The following MDGA2 variants were observed in gnomAD, a reference collection of about 807,000 sequenced individuals.
The protein encoded by MDGA2 is MAM domain-containing glycosylphosphatidylinositol anchor protein 2.
MDGA2 carries 40 observed loss-of-function variants against 117.8 expected under a neutral mutation model. The observed-to-expected ratio is 0.34, with a 90% CI of 0.26 to 0.44. The LOEUF is 0.44. Ranked by LOEUF, MDGA2 falls within the 20% of genes least tolerant of loss-of-function variation. The pLI is 1.00. For missense variants in MDGA2, 1,123 were observed against 1,250.6 expected, an observed-to-expected ratio of 0.90 and a Z score of 1.54; for synonymous variants, 452 against 439.0, an observed-to-expected ratio of 1.03 and a Z score of -0.37.
intron 7 of MDGA2, among the ~76,000 whole-genome samples, chr14:47,041,166 G>A (rs1889052305): frequency 6.6e-6 from 1 of 152,048 alleles, no homozygotes. Flanking sequence ...ATCTTGAGAT[G>A]TGTGGGTGTG....
intron 1 of MDGA2, among the ~76,000 whole-genome samples, chr14:47,341,639 A>G (rs1890625627): frequency 6.6e-6 from 1 of 152,228 alleles, no homozygotes; most frequent in East Asian, 1.9e-4. Flanking sequence ...AAATTTAAAA[A>G]TGATCTCTGT....
At chr14:47,506,963 G>T (rs546174396) in intron 1 of MDGA2, among the ~76,000 whole-genome samples, 1 of 150,928 alleles carries the variant, frequency 6.6e-6, no homozygotes, top group Non-Finnish European at 1.5e-5. Context: ...TCACTAGGAG[G>T]TAGTGGAAGA....
chr14:47,000,298 T>C lies in MDGA2; in HGVS notation c.1819+34713A>G, dbSNP rs535522287. On this transcript the variant is annotated intron_variant, in intron 8 of 16. Coordinates refer to ENST00000399232, the MANE Select transcript of MDGA2 (RefSeq NM_001113498.3). ...CTAAGGATAATAATAGCTTTCTTGC[T>C]TAGGTTCCAGACAGCTGTGAGTATA... 8.3e-5 allele frequency among the ~76,000 whole-genome samples: 12 copies of C among 144,542 alleles called. No individual in the cohort carries two copies. The South Asian group carries it at 2.1e-3, about 26-fold the overall frequency. 94.8% of individuals were successfully genotyped at this position (144,542 alleles called of 152,430 possible). A position where few individuals can be genotyped will look rare whatever the true frequency, so the allele number is the denominator to read the frequency against.
rs144368499 is a variant in MDGA2, at chr14:47,061,376, C to T, written c.1398G>A (p.Pro466=). The stretch of plus-strand genomic sequence containing the variant: ...CAATGATGTCCAAGTTTGTTGTTCC[C>T]GGAGAGACATCAGGATCAGTCTGTG... ...VITQTDPDVS[P]GTTNLDIIDL... The change falls in exon 7 of 17, where the codon CCG becomes CCA. Residue 466 remains proline, a synonymous_variant. Coordinates refer to ENST00000399232, the MANE Select transcript of MDGA2 (RefSeq NM_001113498.3). 9 of 1,613,538 alleles carry T rather than the reference C, an allele frequency of 5.6e-6. No individual in the cohort carries two copies. The highest frequency in any genetic ancestry group is 1.7e-4 in the Middle Eastern group (1 of 6,058).
intron 1 of MDGA2, among the ~76,000 whole-genome samples, chr14:47,408,112 G>A (rs1010547480): frequency 2.1e-5 from 3 of 144,202 alleles, no homozygotes; most frequent in Admixed American, 7.2e-5. Flanking sequence ...CTGGAGTGCA[G>A]TGGCACAATC....
chr14:46,844,942 C>T (rs1468108366), intron 16 of MDGA2, among the ~76,000 whole-genome samples: 2 of 152,104 alleles, frequency 1.3e-5, no homozygotes, highest in African/African-American at 2.4e-5. Flanking sequence ...AGTGCAGTGG[C>T]GTGATCTTGG....
chr14:47,197,400 A>G (rs1488800943), intron 3 of MDGA2, among the ~76,000 whole-genome samples: 2 of 152,028 alleles, frequency 1.3e-5, no homozygotes, highest in African/African-American at 4.8e-5. Flanking sequence ...AGCCATCTGC[A>G]AAGCAGAAAG....
chr14:47,176,955 G>GA (rs1032123406), intron 3 of MDGA2, among the ~76,000 whole-genome samples: 54 of 151,600 alleles, frequency 3.6e-4, no homozygotes, highest in African/African-American at 1.2e-3. Flanking sequence ...AAATTTATAA[G>GA]AAAAAAACAA....
chr14:47,513,169 G>C (rs1423982941), intron 1 of MDGA2, among the ~76,000 whole-genome samples: 1 of 152,080 alleles, frequency 6.6e-6, no homozygotes, highest in Admixed American at 6.6e-5. Context: ...TAAAGCTCAT[G>C]ATGAAAGAAA....
At chr14:47,115,043 CATAAG>C (rs1049194373) in intron 5 of MDGA2, among the ~76,000 whole-genome samples, 1 of 150,054 alleles carries the variant, frequency 6.7e-6, no homozygotes, top group Non-Finnish European at 1.5e-5. Flanking sequence ...TAATGTAAAA[CATAAG>C]AAGTGGACAA....
chr14:47,038,949 C>CAAA (rs57534737), intron 7 of MDGA2, among the ~76,000 whole-genome samples: 21 of 112,834 alleles, frequency 1.9e-4, no homozygotes, highest in African/African-American at 6.3e-4. Flanking sequence ...GACTCCATCT[C>CAAA]AAAAAAAAAA....
At chr14:47,469,242 G>A (rs916747476) in intron 1 of MDGA2, among the ~76,000 whole-genome samples, 10 of 151,782 alleles carry the variant, frequency 6.6e-5, no homozygotes, top group Non-Finnish European at 1.3e-4. Context: ...TGCCATGTTG[G>A]TGTGCTGCAC....
At chr14:46,949,486 T>C (rs540519103) in intron 9 of MDGA2, among the ~76,000 whole-genome samples, 3 of 152,110 alleles carry the variant, frequency 2.0e-5, no homozygotes, top group Middle Eastern at 3.4e-3. Flanking sequence ...CAATGTGTAA[T>C]TGTTTAACCC....
chr14:47,243,648 GACCACGA>G (rs1887142892), intron 2 of MDGA2, among the ~76,000 whole-genome samples: 1 of 151,412 alleles, frequency 6.6e-6, no homozygotes, highest in Non-Finnish European at 1.5e-5. Flanking sequence ...GAGCCAGCGA[GACCACGA>G]ACCCACCAGA....
chr14:47,458,029 G>A (rs1406145305), intron 1 of MDGA2, among the ~76,000 whole-genome samples: 2 of 134,608 alleles, frequency 1.5e-5, no homozygotes. Context: ...TTTTAATCTT[G>A]TCATGATATC....
chr14:47,156,065 C>T (rs1208749876), intron 3 of MDGA2, among the ~76,000 whole-genome samples: 2 of 151,410 alleles, frequency 1.3e-5, no homozygotes, highest in South Asian at 4.2e-4. Flanking sequence ...CGTGCCACTA[C>T]CCCGGCTAAT....
At chr14:46,907,222 C>A (rs1883533375) in intron 10 of MDGA2, among the ~76,000 whole-genome samples, 1 of 152,124 alleles carries the variant, frequency 6.6e-6, no homozygotes, top group Non-Finnish European at 1.5e-5. Context: ...GGGTGATCCT[C>A]CTGCCTTGGC....
In MDGA2 at chr14:46,845,753, CAA is replaced by C; in HGVS notation, c.2989+11_2989+12del. The C allele has an allele frequency of 6.5e-7, 1 of 1,549,316 alleles. No individual in the cohort carries two copies. The highest frequency in any genetic ancestry group is 8.9e-7 in the Non-Finnish European group (1 of 1,123,976). ...AACGTTACAACAAACCAATCTCAAGCAAAGATACTTACTCTTAGTTGCTAGGT... is the reference window on the plus strand; with the variant it reads ...AACGTTACAACAAACCAATCTCAAGCAGATACTTACTCTTAGTTGCTAGGT... On this transcript the variant is annotated intron_variant, in intron 16 of 16. Transcript: ENST00000399232.
intron 8 of MDGA2, among the ~76,000 whole-genome samples, chr14:46,959,517 T>A (rs1053866188): frequency 7.2e-5 from 11 of 151,850 alleles, no homozygotes; most frequent in African/African-American, 2.7e-4. Context: ...GGATTTTTTT[T>A]AAGTCTGTCA....
Sources: gnomAD v4.1 joint callset for allele counts (sites outside exome capture counted in the v4.1 genomes callset) on GRCh38, gnomAD v4.1.1 for gene constraint, MANE v1.5 for transcripts, NCBI Gene and HGNC (gene_info 2026-07-23, HGNC 2026-07-21) for gene names.